DIAPH3: variants seen among roughly 807,000 people sequenced by gnomAD.
DIAPH3 encodes diaphanous related formin 3, also known as protein diaphanous homolog 3.
In DIAPH3, 117 loss-of-function variants were observed where a neutral mutation model predicts 144.3. The ratio of observed to expected loss-of-function variants is 0.81; its 90% CI spans 0.70 to 0.95. The LOEUF (loss-of-function observed/expected upper bound fraction) is 0.95, where lower values mean the gene tolerates loss of function less well. DIAPH3 is among the 40% of genes least tolerant of loss of function. The pLI is 0.00. For missense variants in DIAPH3, 1,421 were observed against 1,412.7 expected (o/e 1.01, Z -0.09); for synonymous variants, 519 against 488.9 (o/e 1.06, Z -0.81).
intron 9 of DIAPH3, among the ~76,000 whole-genome samples, chr13:60,003,321 T>C (rs1334658896): frequency 6.6e-6 from 1 of 152,188 alleles, no homozygotes; most frequent in East Asian, 1.9e-4. Context: ...TAGGCTATGA[T>C]GAAATCTGTT....
intron 4 of DIAPH3, among the ~76,000 whole-genome samples, chr13:60,090,803 G>C (rs1343632102): frequency 6.6e-6 from 1 of 152,146 alleles, no homozygotes; most frequent in African/African-American, 2.4e-5. Context: ...ACCTTCCTAG[G>C]AAGAGCCATG....
At chr13:60,146,672 G>A (rs1485031826) in intron 1 of DIAPH3, among the ~76,000 whole-genome samples, 2 of 152,190 alleles carry the variant, frequency 1.3e-5, no homozygotes, top group African/African-American at 4.8e-5. Context: ...AGCAACTGCA[G>A]CCTAACTGTC....
chr13:59,792,733 C>G (rs2039392411), intron 25 of DIAPH3, among the ~76,000 whole-genome samples: 1 of 152,162 alleles, frequency 6.6e-6, no homozygotes, highest in South Asian at 2.1e-4. Flanking sequence ...AGTTTAGACT[C>G]TGTGGTGCAT....
chr13:59,708,542 G>A (rs1323175144), intron 27 of DIAPH3, among the ~76,000 whole-genome samples: 1 of 152,112 alleles, frequency 6.6e-6, no homozygotes, highest in Non-Finnish European at 1.5e-5. Flanking sequence ...TCTGCTACCT[G>A]AAATTCTTTC....
rs1374299740 is a variant in DIAPH3 at position 59,856,654 on chromosome 13, C to T, written c.2737+4753G>A. On this transcript the variant is annotated intron_variant, in intron 22 of 27. Coordinates refer to ENST00000400324, the MANE Select transcript of DIAPH3 (RefSeq NM_001042517.2). Reference sequence around the variant, plus strand: ...TCCTAATGATCTCATTTTAACTCTCCTCTCTTTAAAGGCCCTATCTCCAAA... The same window carrying T: ...TCCTAATGATCTCATTTTAACTCTCTTCTCTTTAAAGGCCCTATCTCCAAA... Among the ~76,000 whole-genome samples, 6 of 152,228 alleles carry T rather than the reference C, an allele frequency of 3.9e-5. 1 individual carries two copies. The East Asian group carries it at 1.2e-3, about 29-fold the overall frequency.
At chr13:60,113,115 T>C (rs1354104062) in intron 2 of DIAPH3, among the ~76,000 whole-genome samples, 1 of 152,202 alleles carries the variant, frequency 6.6e-6, no homozygotes, top group Non-Finnish European at 1.5e-5. Context: ...ATACTGTATA[T>C]AAACCTGTAC....
At chr13:60,072,507 T>C (rs2057246570) in intron 4 of DIAPH3, among the ~76,000 whole-genome samples, 1 of 152,196 alleles carries the variant, frequency 6.6e-6, no homozygotes, top group African/African-American at 2.4e-5. Context: ...CTTGCTCTTC[T>C]CTATCAGACT....
At chr13:59,918,944 C>CAAAAAAAAA (rs34985752) in intron 18 of DIAPH3, among the ~76,000 whole-genome samples, 3 of 117,472 alleles carry the variant, frequency 2.6e-5, no homozygotes, top group Admixed American at 8.7e-5. Context: ...CAAGAAAATA[C>CAAAAAAAAA]AAAAAAAAAA....
chr13:60,113,098 AC>A (rs2058613492), intron 2 of DIAPH3, among the ~76,000 whole-genome samples: 1 of 152,178 alleles, frequency 6.6e-6, no homozygotes, highest in Admixed American at 6.5e-5. Context: ...TACTGTTCTC[AC>A]CACGTATACT....
At chr13:59,844,272 C>T (rs1593642177) in intron 22 of DIAPH3, among the ~76,000 whole-genome samples, 1 of 151,860 alleles carries the variant, frequency 6.6e-6, no homozygotes, top group East Asian at 1.9e-4. Context: ...AAAATCTTAA[C>T]TATATCCAGA....
chr13:59,807,867 AAAG>A, intron 25 of DIAPH3, among the ~76,000 whole-genome samples: 1 of 152,210 alleles, frequency 6.6e-6, no homozygotes, highest in Admixed American at 6.5e-5. Context: ...AAAATTAAGA[AAAG>A]AAGGTAATGT....
chr13:60,117,003 T>C (rs2138109158), intron 2 of DIAPH3, among the ~76,000 whole-genome samples: 1 of 152,128 alleles, frequency 6.6e-6, no homozygotes, highest in Admixed American at 6.5e-5. Context: ...CAAAACACTT[T>C]TGTACCTAAC....
chr13:59,975,519 A>G (rs1159076493), intron 14 of DIAPH3, among the ~76,000 whole-genome samples: 1 of 151,968 alleles, frequency 6.6e-6, no homozygotes, highest in Non-Finnish European at 1.5e-5. Context: ...TTACGGTTTT[A>G]CTTAACAGAC....
Position 59,956,627 on chromosome 13 carries a change from C to T in DIAPH3, c.2074+13317G>A, listed in dbSNP as rs189376401. 1.3e-3 allele frequency among the ~76,000 whole-genome samples: 200 copies of T among 152,330 alleles called. 1 individual carries two copies. Among genetic ancestry groups the T allele is most frequent in the African/African-American group, 4.6e-3 (192 of 41,582 alleles). ...AAGGGAAATGTGGAGTGGGAGCCCC[C>T]ACACAAAGTCCCCACTAGGGCACTG... On this transcript the variant is annotated intron_variant, in intron 17 of 27. Coordinates refer to ENST00000400324, the MANE Select transcript of DIAPH3 (RefSeq NM_001042517.2).
Position 59,883,389 on chromosome 13 carries a change from T to C in DIAPH3, c.2368-3921A>G, listed in dbSNP as rs978329423. Among the ~76,000 whole-genome samples the C allele has an allele frequency of 2.6e-5, 4 of 152,216 alleles. No individual in the cohort carries two copies. In the East Asian group the frequency reaches 5.8e-4, roughly 22 times the overall value. The stretch of plus-strand genomic sequence containing the variant: ...ATAAATACAGGTTGTCAGATGTTTT[T>C]TTCCCCCGTCCTACTATGCAGACTT... On this transcript the variant is annotated intron_variant, in intron 20 of 27. Transcript: ENST00000400324.
chr13:60,115,551 A>G (rs1248692591), intron 2 of DIAPH3, among the ~76,000 whole-genome samples: 1 of 152,108 alleles, frequency 6.6e-6, no homozygotes, highest in East Asian at 1.9e-4. Flanking sequence ...CGGTACAGTT[A>G]ATTTTATAAA....
intron 27 of DIAPH3, among the ~76,000 whole-genome samples, chr13:59,715,070 T>C (rs2034981783): frequency 6.6e-6 from 1 of 152,168 alleles, no homozygotes; most frequent in Non-Finnish European, 1.5e-5. Flanking sequence ...GCAAGTAGGA[T>C]AGACCGTATT....
At chr13:59,672,520 G>T (rs1469554698) in intron 27 of DIAPH3, among the ~76,000 whole-genome samples, 1 of 152,132 alleles carries the variant, frequency 6.6e-6, no homozygotes, top group Non-Finnish European at 1.5e-5. Context: ...CCCAGCAATG[G>T]CTTTACTTTG....
intron 17 of DIAPH3, among the ~76,000 whole-genome samples, chr13:59,926,944 A>G (rs1344317806): frequency 6.6e-6 from 1 of 152,202 alleles, no homozygotes; most frequent in Admixed American, 6.5e-5. Context: ...CTACAACTAT[A>G]TTGGAGTGTC....
Sources: allele counts gnomAD v4.1 joint callset (sites outside exome capture counted in the v4.1 genomes callset), GRCh38; gene constraint gnomAD v4.1.1; transcripts MANE v1.5; gene names NCBI Gene and HGNC (gene_info 2026-07-23, HGNC 2026-07-21).